The following HCK variants were observed in gnomAD, a reference collection of about 807,000 sequenced individuals.
HCK encodes the protein HCK proto-oncogene, Src family tyrosine kinase, also known as tyrosine-protein kinase HCK.
A neutral mutation model predicts 70.4 loss-of-function variants in HCK; 40 were observed. That is an observed-to-expected ratio of 0.57 (90% CI 0.44 to 0.74). The LOEUF (loss-of-function observed/expected upper bound fraction) is 0.74. Among genes scored for constraint, HCK ranks in the 30% least tolerant of loss-of-function variants. The probability of loss-of-function intolerance (pLI) is 0.00; values close to 1 mark genes in which losing one functional copy is unlikely to be tolerated. For missense variants in HCK, 568 were observed against 697.2 expected (o/e 0.81, Z 2.09); for synonymous variants, 245 against 263.2 (o/e 0.93, Z 0.67).
intron 11 of HCK, among the ~76,000 whole-genome samples, chr20:32,096,931 C>A (rs986690040): frequency 6.6e-6 from 1 of 151,896 alleles, no homozygotes; most frequent in Admixed American, 6.6e-5. Context: ...AAAGCTGCAG[C>A]AAAATGGATA....
rs1451608977 is a variant in HCK, at chr20:32,101,519, A to G, written c.1581A>G (p.Ter527TrpextTer1). The change falls in exon 13 of 13, where the codon TGA becomes TGG. Residue 527 changes from the stop codon to tryptophan (W), a stop_lost. Transcript: ENST00000375852. ...AGAGCCAGTACCAACAGCAGCCATG[A>G]TAGGGAGGACCAGGGCAGGGCCAGG... 5 of 1,611,758 alleles carry G rather than the reference A, an allele frequency of 3.1e-6. No homozygotes were observed. In the African/African-American group the frequency reaches 4.0e-5, roughly 13 times the overall value.
intron 5 of HCK, among the ~76,000 whole-genome samples, chr20:32,077,051 T>C (rs576945381): frequency 6.6e-6 from 1 of 152,232 alleles, no homozygotes; most frequent in East Asian, 1.9e-4. Context: ...GCCACTGCAC[T>C]CCAGCCTGGA....
chr20:32,054,532 C>T (rs1269395783), intron 1 of HCK, among the ~76,000 whole-genome samples: 1 of 124,360 alleles, frequency 8.0e-6, no homozygotes, highest in Non-Finnish European at 1.6e-5. Flanking sequence ...AAAGCCCGGA[C>T]GCGGGGGCTC....
rs777999649 is a variant in HCK at position 32,093,928 on chromosome 20, C to T, written c.1158C>T (p.Asn386=). Residue 386 remains asparagine, a synonymous_variant, in exon 11 of 13, where the codon AAC becomes AAT. Coordinates refer to ENST00000375852, the MANE Select transcript of HCK (RefSeq NM_002110.5). ...TCCACCGAGACCTCCGAGCTGCCAA[C>T]ATCTTGGTCTCTGCATCCCTGGTGT... The T allele has an allele frequency of 6.2e-7, 1 of 1,613,890 alleles. No individual in the cohort carries two copies. The highest frequency in any genetic ancestry group is 1.7e-5 in the Admixed American group (1 of 59,998).
intron 11 of HCK, among the ~76,000 whole-genome samples, chr20:32,096,426 G>A (rs1461689720): frequency 8.0e-5 from 12 of 150,896 alleles, no homozygotes; most frequent in African/African-American, 2.9e-4. Context: ...GAACCCGGGA[G>A]GCAGAGGTTG....
At chr20:32,060,720 C>T (rs1377109870) in intron 1 of HCK, among the ~76,000 whole-genome samples, 2 of 152,050 alleles carry the variant, frequency 1.3e-5, no homozygotes, top group Non-Finnish European at 2.9e-5. Context: ...TCATACTTAA[C>T]TTCAGCATAC....
intron 1 of HCK, among the ~76,000 whole-genome samples, chr20:32,057,864 T>C (rs981762040): frequency 6.6e-6 from 1 of 152,180 alleles, no homozygotes; most frequent in Non-Finnish European, 1.5e-5. Context: ...AGTTTGAAGG[T>C]ACTTTCAGAG....
chr20:32,083,874 T>C lies in HCK; in HGVS notation c.533-20T>C. 1 of 1,613,662 alleles carries C rather than the reference T, an allele frequency of 6.2e-7. No individual in the cohort carries two copies. Among genetic ancestry groups the C allele is most frequent in the South Asian group, 1.1e-5 (1 of 91,064 alleles). ...GCCTCCAAGATGCCATTCTGAGGGG[T>C]TTCTCTTTGGTCAATTCAGGAAGCT... On this transcript the variant is annotated intron_variant, in intron 6 of 12. Coordinates refer to ENST00000375852, the MANE Select transcript of HCK (RefSeq NM_002110.5).
chr20:32,088,341 G>A (rs2045818143), intron 9 of HCK, among the ~76,000 whole-genome samples: 1 of 152,164 alleles, frequency 6.6e-6, no homozygotes, highest in Non-Finnish European at 1.5e-5. Flanking sequence ...TCCAGGCTCA[G>A]GGGCTGTCTC....
At chr20:32,098,033 ATATTTTATTTTATTT>A (rs112064933) in intron 11 of HCK, among the ~76,000 whole-genome samples, 1 of 148,844 alleles carries the variant, frequency 6.7e-6, no homozygotes, top group African/African-American at 2.5e-5. Context: ...CTATTTTTTT[ATATTTTATTTTATTT>A]TATTTTATTT....
At chr20:32,074,546 G>A (rs1200581870) in intron 4 of HCK, 77 bp from the exon 5 acceptor site, 2 of 1,099,340 alleles carry the variant, frequency 1.8e-6, no homozygotes, top group Non-Finnish European at 2.8e-6. Flanking sequence ...AGTTTTCTAG[G>A]TCAAGGCTGG....
chr20:32,053,925 G>C (rs1568947386), intron 1 of HCK, among the ~76,000 whole-genome samples: 4 of 152,082 alleles, frequency 2.6e-5, no homozygotes, highest in African/African-American at 9.7e-5. Context: ...CACTGGGGTA[G>C]CCTATGCCTG....
intron 11 of HCK, among the ~76,000 whole-genome samples, chr20:32,097,236 T>C (rs903956417): frequency 1.3e-5 from 2 of 151,774 alleles, no homozygotes; most frequent in African/African-American, 4.8e-5. Context: ...GCCAAGATCA[T>C]GTCACTGCAC....
In HCK at chr20:32,093,903, T is replaced by G; in HGVS notation, c.1133T>G (p.Ile378Ser). Residue 378 changes from isoleucine (I) to serine (S), a missense_variant, in exon 11 of 13, where the codon ATC (isoleucine) becomes AGC (serine). Around this residue, in one of 4 missense-constraint regions of HCK, gnomAD observed 160 missense variants for 237.5 expected, o/e 0.67. Transcript: ENST00000375852. ...GCCTTCATCGAGCAGAGGAACTACA[T>G]CCACCGAGACCTCCGAGCTGCCAAC... 1 of 1,612,062 alleles carries G rather than the reference T, an allele frequency of 6.2e-7. No homozygotes were observed. Among genetic ancestry groups the G allele is most frequent in the Non-Finnish European group, 8.5e-7 (1 of 1,179,262 alleles).
At chr20:32,096,155 G>T (rs1233982034) in intron 11 of HCK, among the ~76,000 whole-genome samples, 1 of 151,948 alleles carries the variant, frequency 6.6e-6, no homozygotes, top group African/African-American at 2.4e-5. Context: ...CTCCCGAAGT[G>T]CTGGGATTAC....
rs376025420 is a variant in HCK at position 32,083,929 on chromosome 20, C to A, written c.568C>A (p.Arg190=). The A allele has an allele frequency of 1.8e-5, 29 of 1,614,172 alleles. No homozygotes were observed. In the South Asian group the frequency reaches 3.1e-4, roughly 17 times the overall value. ...TTTGTCCGTGCGAGACTACGACCCT[C>A]GGCAGGGAGATACCGTGAAACATTA... Residue 190 remains arginine (R), a synonymous_variant, in exon 7 of 13, where the codon CGG becomes AGG. Coordinates refer to ENST00000375852, the MANE Select transcript of HCK (RefSeq NM_002110.5).
At chr20:32,056,619 G>A (rs538462539) in intron 1 of HCK, among the ~76,000 whole-genome samples, 1 of 151,980 alleles carries the variant, frequency 6.6e-6, no homozygotes, top group African/African-American at 2.4e-5. Context: ...GTTTCAATTG[G>A]CTTCACATCC....
rs1331175526 is a variant in HCK, at chr20:32,093,735, C to T, written c.1093-128C>T. The T allele has an allele frequency of 1.5e-5, 13 of 849,172 alleles. 1 individual carries two copies. The highest frequency in any genetic ancestry group is 1.0e-4 in the African/African-American group (6 of 57,976). The allele number at this position is 849,172 out of a possible 1,614,324, so 52.6% of individuals were successfully genotyped here. On this transcript the variant is annotated intron_variant, in intron 10 of 12. Transcript: ENST00000375852. ...ACCCTGAGCCCTGGGGCCCTCCCGACACAAAAGGGAGGGCTGGTGCAGACA... is the reference window on the plus strand; with the variant it reads ...ACCCTGAGCCCTGGGGCCCTCCCGATACAAAAGGGAGGGCTGGTGCAGACA...
At chr20:32,061,912 GAGA>G (rs1177652727) in intron 1 of HCK, among the ~76,000 whole-genome samples, 1 of 150,760 alleles carries the variant, frequency 6.6e-6, no homozygotes, top group Non-Finnish European at 1.5e-5. Flanking sequence ...GGGTTGAGCA[GAGA>G]AGGAATGCGA....
Sources: allele counts gnomAD v4.1 joint callset (sites outside exome capture counted in the v4.1 genomes callset), GRCh38; gene constraint gnomAD v4.1.1; regional missense constraint gnomAD v4.1.1; transcripts MANE v1.5; gene names NCBI Gene and HGNC (gene_info 2026-07-23, HGNC 2026-07-21).